P2RY8: variants seen among roughly 807,000 people sequenced by gnomAD.
P2RY8 encodes S-geranylgeranyl-glutathione receptor P2RY8.
Under a neutral mutation model 10.0 loss-of-function variants are expected in P2RY8, and 6 were observed. The observed-to-expected ratio is 0.60, with a 90% CI of 0.33 to 1.19. The LOEUF is 1.19. Ranked by LOEUF, P2RY8 falls within the 50% of genes most tolerant of loss-of-function variation. The probability of loss-of-function intolerance (pLI) is 0.04; values close to 1 mark genes in which losing one functional copy is unlikely to be tolerated. For missense variants in P2RY8, 456 were observed against 542.0 expected, an observed-to-expected ratio of 0.84 and a Z score of 1.58; for synonymous variants, 276 against 252.5, an observed-to-expected ratio of 1.09 and a Z score of -0.88.
At chrX:1,511,507 G>A (rs1158302788) in intron 1 of P2RY8, among the ~76,000 whole-genome samples, 1 of 152,254 alleles carries the variant, frequency 6.6e-6, no homozygotes, top group East Asian at 1.9e-4. Context: ...CTCTCCAAAT[G>A]TGTACATCTT....
chrX:1,471,218 G>C (rs1310941806), intron 1 of P2RY8, among the ~76,000 whole-genome samples: 1 of 151,572 alleles, frequency 6.6e-6, no homozygotes, highest in Admixed American at 6.6e-5. Context: ...ATGTTGGCCA[G>C]GCTGGTTGTG....
At chrX:1,472,127 C>A (rs1170203621) in intron 1 of P2RY8, among the ~76,000 whole-genome samples, 1 of 151,924 alleles carries the variant, frequency 6.6e-6, no homozygotes. Flanking sequence ...AGGAAGTTGT[C>A]GTGGGCCACA....
chrX:1,472,807 ATGGATGGGTGGATGTATAGATGAGTAGG>A (rs2091808566), intron 1 of P2RY8, among the ~76,000 whole-genome samples: 3 of 142,356 alleles, frequency 2.1e-5, no homozygotes, highest in African/African-American at 7.9e-5. Flanking sequence ...TGATGGGTAG[ATGGATGGGTGGATGTATAGATGAGTAGG>A]TGGATGGGTG....
At chrX:1,468,747 C>G (rs1443935083) in intron 1 of P2RY8, among the ~76,000 whole-genome samples, 60 of 346 alleles carry the variant, frequency 0.17, no homozygotes, top group African/African-American at 0.28. Context: ...CCTCTCTCCT[C>G]TCTCCCCTCT....
intron 1 of P2RY8, among the ~76,000 whole-genome samples, chrX:1,511,488 C>A (rs750983098): frequency 6.6e-6 from 1 of 152,242 alleles, no homozygotes; most frequent in Admixed American, 6.5e-5. Flanking sequence ...CTATACAAAT[C>A]AAGCTCCCCT....
Position 1,466,596 on chromosome X carries a change from A to G in P2RY8, c.-24-14T>C. On this transcript the variant is annotated splice_polypyrimidine_tract_variant and intron_variant, in intron 1 of 1. Coordinates refer to ENST00000381297, the MANE Select transcript of P2RY8 (RefSeq NM_178129.5). Reference sequence around the variant, plus strand: ...CTCGCCCGGGCTCTGCAAGGGAAGGAGGGAAGGGTGTACGGGTCAGGGGCG... The same window carrying G: ...CTCGCCCGGGCTCTGCAAGGGAAGGGGGGAAGGGTGTACGGGTCAGGGGCG... 6.3e-7 allele frequency: 1 copy of G among 1,581,072 alleles called. No individual in the cohort carries two copies.
Position 1,512,960 on chromosome X carries a change from A to G in P2RY8, c.-25+23961T>C, listed in dbSNP as rs1343743696. 3.3e-5 allele frequency among the ~76,000 whole-genome samples: 5 copies of G among 151,918 alleles called. No homozygotes were observed. In the East Asian group the frequency reaches 7.7e-4, roughly 23 times the overall value. On this transcript the variant is annotated intron_variant, in intron 1 of 1. Transcript: ENST00000381297. ...GGTGGTTTGCTGCACCTGTCAACCC[A>G]TTATCTAGGTTTTAAGCCCCACATG...
intron 1 of P2RY8, among the ~76,000 whole-genome samples, chrX:1,515,346 G>A (rs1280948415): frequency 5.3e-5 from 8 of 150,996 alleles, no homozygotes; most frequent in African/African-American, 1.9e-4. Context: ...AAACACCTCC[G>A]CAGTCTATTT....
chrX:1,534,164 T>A (rs1362030202), intron 1 of P2RY8, among the ~76,000 whole-genome samples: 1 of 137,056 alleles, frequency 7.3e-6, no homozygotes, highest in Non-Finnish European at 1.5e-5. Context: ...ATATACAATA[T>A]ATTTACATAT....
Position 1,524,636 on chromosome X carries a change from T to TA in P2RY8, c.-25+12284_-25+12285insT, listed in dbSNP as rs2092422941. Among the ~76,000 whole-genome samples the TA allele has an allele frequency of 6.1e-5, 6 of 98,824 alleles. 1 individual carries two copies. Among genetic ancestry groups the TA allele is most frequent in the Admixed American group, 1.0e-4 (1 of 9,672 alleles). The allele number at this position is 98,824 out of a possible 152,430, so 64.8% of individuals were successfully genotyped here. ...ATCCATCCATCCATTCATCCATCCA[T>TA]CCATCCATACATCCATCCATCCATC... is the stretch of plus-strand genomic sequence containing the variant. On this transcript the variant is annotated intron_variant, in intron 1 of 1. Coordinates refer to ENST00000381297, the MANE Select transcript of P2RY8 (RefSeq NM_178129.5).
intron 1 of P2RY8, among the ~76,000 whole-genome samples, chrX:1,516,946 A>C (rs1293262301): frequency 2.0e-4 from 31 of 151,674 alleles, no homozygotes; most frequent in Non-Finnish European, 4.1e-4. Flanking sequence ...CACGCAGTCT[A>C]TGGTATTCTG....
At chrX:1,521,944 CTTTTTTTTTTTT>C (rs751056296) in intron 1 of P2RY8, among the ~76,000 whole-genome samples, 15 of 39,036 alleles carry the variant, frequency 3.8e-4, no homozygotes, top group Admixed American at 2.8e-3. Context: ...CTCTCGCTCT[CTTTTTTTTTTTT>C]TTTTTTTTTT....
At chrX:1,515,968 A>G in intron 1 of P2RY8, among the ~76,000 whole-genome samples, 1 of 122,128 alleles carries the variant, frequency 8.2e-6, no homozygotes, top group Non-Finnish European at 1.7e-5. Context: ...GGATCACCTG[A>G]GGTCAGGAGT....
Position 1,512,416 on chromosome X carries a change from GGGTA to G in P2RY8, c.-25+24501_-25+24504del. Among the ~76,000 whole-genome samples, 5 of 152,010 alleles carry G rather than the reference GGGTA, an allele frequency of 3.3e-5. No individual in the cohort carries two copies. The South Asian group carries it at 1.0e-3, about 32-fold the overall frequency. The stretch of plus-strand genomic sequence containing the variant: ...ACAAAAATTAGCCAGGCGTGGTGGT[GGGTA>G]CCTGTCATCCCAGCTACTCGGGAGG... On this transcript the variant is annotated intron_variant, in intron 1 of 1. Coordinates refer to ENST00000381297, the MANE Select transcript of P2RY8 (RefSeq NM_178129.5).
chrX:1,486,582 T>C (rs774112570), intron 1 of P2RY8, among the ~76,000 whole-genome samples: 1 of 152,276 alleles, frequency 6.6e-6, no homozygotes, highest in South Asian at 2.1e-4. Flanking sequence ...GGGGAGTGAC[T>C]TTCCCCCTAA....
At chrX:1,478,598 C>T (rs371716244) in intron 1 of P2RY8, among the ~76,000 whole-genome samples, 6 of 151,988 alleles carry the variant, frequency 3.9e-5, no homozygotes, top group Admixed American at 1.3e-4. Context: ...CTTGCCTCAG[C>T]CTCCTGAATA....
intron 1 of P2RY8, among the ~76,000 whole-genome samples, chrX:1,469,321 G>T (rs137974212): frequency 1.3e-5 from 2 of 150,384 alleles, no homozygotes; most frequent in African/African-American, 2.5e-5. Context: ...GCACCACCAC[G>T]CCTGGCTGAT....
intron 1 of P2RY8, among the ~76,000 whole-genome samples, chrX:1,535,714 C>CAT (rs1468651981): frequency 6.9e-6 from 1 of 145,466 alleles, no homozygotes; most frequent in Non-Finnish European, 1.5e-5. Flanking sequence ...CACACACACA[C>CAT]AGACACACAC....
chrX:1,521,617 T>C (rs773104260), intron 1 of P2RY8, among the ~76,000 whole-genome samples: 1 of 152,304 alleles, frequency 6.6e-6, no homozygotes, highest in African/African-American at 2.4e-5. Flanking sequence ...GTCAATTCAC[T>C]TGGACCCTGC....
Sources: gnomAD v4.1 joint callset for allele counts (sites outside exome capture counted in the v4.1 genomes callset) on GRCh38, gnomAD v4.1.1 for gene constraint, MANE v1.5 for transcripts, NCBI Gene and HGNC (gene_info 2026-07-23, HGNC 2026-07-21) for gene names.